The following EPHB1 variants were observed in gnomAD, a reference collection of about 807,000 sequenced individuals.
The protein encoded by EPHB1 is ephrin type-B receptor 1.
Under a neutral mutation model 94.4 loss-of-function variants are expected in EPHB1, and 30 were observed. The ratio of observed to expected loss-of-function variants is 0.32; its 90% CI spans 0.24 to 0.43. The LOEUF (loss-of-function observed/expected upper bound fraction) is 0.43, where lower values mean the gene tolerates loss of function less well. EPHB1 is among the 20% of genes least tolerant of loss of function. The pLI, the probability that EPHB1 is intolerant of heterozygous loss-of-function variation, is 1.00. For synonymous variants in EPHB1, 522 were observed against 489.1 expected (o/e 1.07, Z -0.89); for missense variants, 1,055 against 1,308.3 (o/e 0.81, Z 2.99).
chr3:135,032,690 A>C (rs1404318184), intron 3 of EPHB1, among the ~76,000 whole-genome samples: 1 of 152,228 alleles, frequency 6.6e-6, no homozygotes, highest in Non-Finnish European at 1.5e-5. Context: ...AGTGCACTGA[A>C]GTTAGTATCC....
At chr3:134,933,792 T>C (rs188825859) in intron 2 of EPHB1, among the ~76,000 whole-genome samples, 1 of 152,314 alleles carries the variant, frequency 6.6e-6, no homozygotes, top group African/African-American at 2.4e-5. Flanking sequence ...CGTGGTATCT[T>C]CAGAGAGTGG....
At chr3:135,014,191 T>C (rs1935716432) in intron 3 of EPHB1, among the ~76,000 whole-genome samples, 1 of 152,138 alleles carries the variant, frequency 6.6e-6, no homozygotes, top group South Asian at 2.1e-4. Context: ...GCTTTGATTG[T>C]TAATGGAGGG....
intron 1 of EPHB1, among the ~76,000 whole-genome samples, chr3:134,827,000 C>T (rs1331990172): frequency 6.6e-6 from 1 of 152,218 alleles, no homozygotes; most frequent in Non-Finnish European, 1.5e-5. Flanking sequence ...TTGGCCCCAT[C>T]CTGCCTGTAC....
At chr3:135,220,598 T>G (rs952957033) in intron 12 of EPHB1, among the ~76,000 whole-genome samples, 2 of 151,106 alleles carry the variant, frequency 1.3e-5, no homozygotes, top group African/African-American at 4.9e-5. Context: ...GGAGGCCTTT[T>G]TTTTTTTTTT....
intron 5 of EPHB1, among the ~76,000 whole-genome samples, chr3:135,136,457 G>T (rs749218941): frequency 3.3e-5 from 5 of 152,194 alleles, no homozygotes; most frequent in Non-Finnish European, 7.3e-5. Flanking sequence ...CCTCCAATGT[G>T]CCAACCCCTA....
chr3:135,015,257 T>C (rs992200119), intron 3 of EPHB1, among the ~76,000 whole-genome samples: 2 of 152,040 alleles, frequency 1.3e-5, no homozygotes, highest in Non-Finnish European at 2.9e-5. Context: ...TTTTTTTTTT[T>C]TGAGATGGAG....
Position 134,951,242 on chromosome 3 carries a change from C to A in EPHB1, c.124-129C>A. On this transcript the variant is annotated intron_variant, in intron 2 of 15. Coordinates refer to ENST00000398015, the MANE Select transcript of EPHB1 (RefSeq NM_004441.5). The surrounding 1 kb of genome is among the most constrained non-coding windows in gnomAD (Gnocchi z 4.5). ...GCTTAGATGTGTTCATTTCTCAAGT[C>A]AATCTGCTGGACTGGTGAGCTCTTA... The A allele has an allele frequency of 1.4e-6, 1 of 720,210 alleles. No individual in the cohort carries two copies. Among genetic ancestry groups the A allele is most frequent in the East Asian group, 2.8e-5 (1 of 36,002 alleles). The allele number at this position is 720,210 out of a possible 1,614,324, so 44.6% of individuals were successfully genotyped here.
rs1192788512 is a variant in EPHB1 at position 135,260,331 on chromosome 3, T to TAC, written c.*1212_*1213dup. ...GTGTTTCTCTTTACATTCCTTGTTG[T>TAC]ACCTCATTGTTCAATTCACTTTTGT... is the stretch of plus-strand genomic sequence containing the variant. On this transcript the variant is annotated 3_prime_UTR_variant, in exon 16 of 16. Coordinates refer to ENST00000398015, the MANE Select transcript of EPHB1 (RefSeq NM_004441.5). 4.3e-6 allele frequency: 1 copy of TAC among 232,404 alleles called. No homozygotes were observed. The highest frequency in any genetic ancestry group is 1.8e-4 in the South Asian group (1 of 5,524). The allele number at this position is 232,404 out of a possible 1,614,324, so 14.4% of individuals were successfully genotyped here.
At chr3:135,184,671 C>G (rs882060) in intron 10 of EPHB1, among the ~76,000 whole-genome samples, 66,787 of 152,044 alleles carry the variant, frequency 0.44, 15,118 homozygotes, top group East Asian at 0.7. Context: ...AGAGACTGGA[C>G]AGGTGGCATG....
intron 1 of EPHB1, among the ~76,000 whole-genome samples, chr3:134,867,287 G>A (rs1166955070): frequency 1.3e-5 from 2 of 152,152 alleles, no homozygotes; most frequent in African/African-American, 4.8e-5. Context: ...TCATTTAGGG[G>A]AGGTTTTACT....
intron 3 of EPHB1, among the ~76,000 whole-genome samples, chr3:134,974,265 C>T (rs544102154): frequency 5.3e-5 from 8 of 152,094 alleles, no homozygotes; most frequent in Non-Finnish European, 1.2e-4. Context: ...CATACACACA[C>T]GGGCCCCAAA....
intron 2 of EPHB1, among the ~76,000 whole-genome samples, chr3:134,931,493 C>CA (rs1460792376): frequency 6.6e-6 from 1 of 152,150 alleles, no homozygotes. Context: ...TTCTTACTTT[C>CA]AAAAAAGTGC....
At position 135,166,934 on chromosome 3, in the gene EPHB1, A is replaced by G. The variant is rs376281245; in HGVS notation, c.1695-8A>G. 24 of 1,613,944 alleles carry G rather than the reference A, an allele frequency of 1.5e-5. No individual in the cohort carries two copies. The African/African-American group carries it at 3.1e-4, about 21-fold the overall frequency. ...TGTGGCTGAGAGAGCCCCTCTTTTT[A>G]TCCACAGGAAACGGGCTTATAGCAA... On this transcript the variant is annotated splice_polypyrimidine_tract_variant and splice_region_variant and intron_variant, in intron 8 of 15. Coordinates refer to ENST00000398015, the MANE Select transcript of EPHB1 (RefSeq NM_004441.5).
At chr3:135,207,963 C>T (rs1246424329) in intron 12 of EPHB1, among the ~76,000 whole-genome samples, 1 of 152,176 alleles carries the variant, frequency 6.6e-6, no homozygotes, top group African/African-American at 2.4e-5. Flanking sequence ...CAGTCACCTC[C>T]CAGAGGCTCC....
At chr3:134,920,814 C>T (rs762715829) in intron 1 of EPHB1, among the ~76,000 whole-genome samples, 7 of 152,182 alleles carry the variant, frequency 4.6e-5, no homozygotes, top group Non-Finnish European at 1.0e-4. Context: ...CCCCACCATC[C>T]GGACCCCCAG....
At chr3:134,890,709 T>A (rs1433360064) in intron 1 of EPHB1, among the ~76,000 whole-genome samples, 1 of 152,216 alleles carries the variant, frequency 6.6e-6, no homozygotes, top group East Asian at 1.9e-4. Flanking sequence ...TTGGGTTAAG[T>A]TTATGGATTA....
chr3:135,118,226 A>C (rs2107804635), intron 4 of EPHB1, among the ~76,000 whole-genome samples: 1 of 152,332 alleles, frequency 6.6e-6, no homozygotes, highest in East Asian at 1.9e-4. Flanking sequence ...TGAAGCACCA[A>C]GTCTTCGGAG....
intron 5 of EPHB1, among the ~76,000 whole-genome samples, chr3:135,136,597 T>C (rs778755711): frequency 3.9e-5 from 6 of 152,204 alleles, no homozygotes; most frequent in Non-Finnish European, 7.4e-5. Context: ...CTAAGAAACA[T>C]CATTTGCACC....
chr3:135,176,136 A>G (rs1191023769), intron 9 of EPHB1, among the ~76,000 whole-genome samples: 3 of 152,256 alleles, frequency 2.0e-5, no homozygotes, highest in African/African-American at 7.2e-5. Flanking sequence ...TGAGGCGGAT[A>G]CAGGGGAGCC....
Sources: gnomAD v4.1 joint callset for allele counts (sites outside exome capture counted in the v4.1 genomes callset) on GRCh38, gnomAD v4.1.1 for gene constraint, Gnocchi (gnomAD v3.1) non-coding constraint, MANE v1.5 for transcripts, NCBI Gene and HGNC (gene_info 2026-07-23, HGNC 2026-07-21) for gene names.